The following PACRGL variants were observed in gnomAD, a reference collection of about 807,000 sequenced individuals.
PACRGL encodes the protein PACRG-like protein.
A neutral mutation model predicts 34.5 loss-of-function variants in PACRGL; 38 were observed. That is an observed-to-expected ratio of 1.10 (90% CI 0.85 to 1.44). The LOEUF (loss-of-function observed/expected upper bound fraction) is 1.44. Among genes scored for constraint, PACRGL ranks in the 40% most tolerant of loss-of-function variants. The pLI is 0.00. For missense variants in PACRGL, 305 were observed against 281.4 expected, an observed-to-expected ratio of 1.08 and a Z score of -0.60; for synonymous variants, 128 against 100.1, an observed-to-expected ratio of 1.28 and a Z score of -1.66.
At chr4:20,755,449 GTCATTCAT>G (rs1754322736), downstream of PACRGL, among the ~76,000 whole-genome samples, 1 of 152,190 alleles carries the variant, frequency 6.6e-6, no homozygotes, top group Non-Finnish European at 1.5e-5. Flanking sequence ...TGAGGTGGGT[GTCATTCAT>G]TCATTCATGC....
chr4:20,755,026 A>G (rs1754265764), downstream of PACRGL, among the ~76,000 whole-genome samples: 1 of 152,202 alleles, frequency 6.6e-6, no homozygotes. Context: ...AATTCCCCAA[A>G]TTAATCTCTC....
intron 5 of PACRGL, among the ~76,000 whole-genome samples, chr4:20,710,046 G>A (rs1736406643): frequency 6.6e-6 from 1 of 152,186 alleles, no homozygotes; most frequent in African/African-American, 2.4e-5. Flanking sequence ...AAAAAAATAT[G>A]TGGACTCATA....
downstream of PACRGL, chr4:20,732,612 G>T: frequency 1.1e-6 from 1 of 910,980 alleles, no homozygotes. Context: ...GAATCATCGT[G>T]GTGCATGGCA....
chr4:20,700,418 GC>G (rs539527098), upstream of PACRGL: 9 of 152,248 alleles, frequency 5.9e-5, no homozygotes, highest in East Asian at 1.6e-3. Flanking sequence ...ACGTCATTGC[GC>G]GGCGCGACCA....
At chr4:20,708,168 AATTAAAAAATCCT>A (rs1382249062) in intron 4 of PACRGL, among the ~76,000 whole-genome samples, 3 of 152,324 alleles carry the variant, frequency 2.0e-5, no homozygotes, top group African/African-American at 7.2e-5. Flanking sequence ...GCAAGTTGCA[AATTAAAAAATCCT>A]ATCTTGTTGG....
At chr4:20,704,896 A>G (rs1192927866) in intron 3 of PACRGL, 82 bp downstream of exon 3, 2 of 1,474,284 alleles carry the variant, frequency 1.4e-6, no homozygotes, top group Non-Finnish European at 1.9e-6. Context: ...TGCTGTGTTG[A>G]GTTTTGTCCC....
downstream of PACRGL, among the ~76,000 whole-genome samples, chr4:20,756,132 T>C (rs547517559): frequency 6.6e-6 from 1 of 151,966 alleles, no homozygotes; most frequent in East Asian, 1.9e-4. Context: ...TGTGTTTATT[T>C]TGGCAGGAGA....
At chr4:20,732,740 A>T (rs1247738477), downstream of PACRGL, 3 of 1,612,670 alleles carry the variant, frequency 1.9e-6, no homozygotes, top group Non-Finnish European at 2.5e-6. Context: ...GGATATGTAC[A>T]TTTACCCATC....
rs1261017896 is a variant in PACRGL, at chr4:20,729,177, A to G, written c.*1836A>G. 1.3e-5 allele frequency: 2 copies of G among 152,554 alleles called. No individual in the cohort carries two copies. Among genetic ancestry groups the G allele is most frequent in the Non-Finnish European group, 2.9e-5 (2 of 68,018 alleles). The allele number at this position is 152,554 out of a possible 1,614,324, so 9.5% of individuals were successfully genotyped here. ...CTGTAAGGAAGTCAGGGGAAAGAGG[A>G]CAGATTTGGCCTTTAATGCTGTTAG... On this transcript the variant is annotated 3_prime_UTR_variant, in exon 9 of 9. Coordinates refer to ENST00000503585, the MANE Select transcript of PACRGL (RefSeq NM_001258345.3).
chr4:20,734,688 T>A, downstream of PACRGL: 3 of 1,603,730 alleles, frequency 1.9e-6, no homozygotes, highest in Non-Finnish European at 2.6e-6. Context: ...AATTGAGTTT[T>A]TCTTGTACTG....
rs184462791 is a variant in PACRGL at position 20,705,798 on chromosome 4, A to G, written c.207+984A>G. 2.3e-3 allele frequency among the ~76,000 whole-genome samples: 348 copies of G among 151,450 alleles called. 8 individuals are homozygous for G. In the South Asian group the frequency reaches 0.045, roughly 19 times the overall value. ...TTAAATAATTTGACCCGAGAAAAGC[A>G]TGTGTAAAAGCTACCAATATAAAAC... On this transcript the variant is annotated intron_variant, in intron 3 of 8. Coordinates refer to ENST00000503585, the MANE Select transcript of PACRGL (RefSeq NM_001258345.3).
chr4:20,702,430 G>C (rs11936466), intron 1 of PACRGL, among the ~76,000 whole-genome samples: 95 of 152,096 alleles, frequency 6.2e-4, no homozygotes, highest in African/African-American at 2.3e-3. Context: ...CAAAACATGT[G>C]GTTTCACTAT....
At chr4:20,716,333 G>GC (rs1553872500) in intron 7 of PACRGL, 34 of 510,770 alleles carry the variant, frequency 6.7e-5, no homozygotes, top group Non-Finnish European at 6.9e-5. Context: ...TTCATGCAGT[G>GC]TTTTTTTTTT....
rs775097687 is a variant in PACRGL, at chr4:20,732,062, C to T, written c.*4721C>T. The T allele has an allele frequency of 6.2e-7, 1 of 1,604,140 alleles. No individual in the cohort carries two copies. Among genetic ancestry groups the T allele is most frequent in the Admixed American group, 1.7e-5 (1 of 58,892 alleles). The stretch of plus-strand genomic sequence containing the variant: ...GTAACAACCCCATCTTTATTTTTGT[C>T]CATTTTCTGTTCAGGAAGAAAACAA... On this transcript the variant is annotated 3_prime_UTR_variant, in exon 9 of 9. Coordinates refer to ENST00000503585, the MANE Select transcript of PACRGL (RefSeq NM_001258345.3).
chr4:20,714,573 T>A (rs1403326911), intron 7 of PACRGL, among the ~76,000 whole-genome samples: 1 of 152,210 alleles, frequency 6.6e-6, no homozygotes, highest in Non-Finnish European at 1.5e-5. Context: ...GCTCGTTAGT[T>A]GATGCAGTTT....
At chr4:20,715,741 C>G (rs1443407143) in intron 7 of PACRGL, among the ~76,000 whole-genome samples, 3 of 152,002 alleles carry the variant, frequency 2.0e-5, no homozygotes. Context: ...GTGGCATACA[C>G]CTGTAGTCCC....
intron 8 of PACRGL, among the ~76,000 whole-genome samples, chr4:20,745,822 A>G (rs1015896555): frequency 3.3e-5 from 5 of 152,172 alleles, no homozygotes; most frequent in African/African-American, 7.2e-5. Flanking sequence ...CTCCCTGCCA[A>G]TCAAAGACTG....
At chr4:20,736,348 C>T (rs576632842), downstream of PACRGL, among the ~76,000 whole-genome samples, 137 of 152,078 alleles carry the variant, frequency 9.0e-4, no homozygotes, top group Non-Finnish European at 1.4e-3. Flanking sequence ...TTTTTCTCAT[C>T]ATTATTTCTA....
chr4:20,715,488 C>T (rs977089798), intron 7 of PACRGL, among the ~76,000 whole-genome samples: 5 of 151,866 alleles, frequency 3.3e-5, no homozygotes, highest in East Asian at 1.9e-4. Flanking sequence ...ATATACAGAT[C>T]GTTCATAAAA....
Sources: allele counts gnomAD v4.1 joint callset (sites outside exome capture counted in the v4.1 genomes callset), GRCh38; gene constraint gnomAD v4.1.1; transcripts MANE v1.5; gene names NCBI Gene and HGNC (gene_info 2026-07-23, HGNC 2026-07-21).